SDE2: variants seen among roughly 807,000 people sequenced by gnomAD.
SDE2 encodes the protein splicing regulator SDE2.
In SDE2, 31 loss-of-function variants were observed where a neutral mutation model predicts 46.9. The observed-to-expected ratio is 0.66, with a 90% confidence interval of 0.50 to 0.89. The LOEUF (loss-of-function observed/expected upper bound fraction) is 0.89, where lower values mean the gene tolerates loss of function less well. Ranked by LOEUF, SDE2 falls within the 40% of genes least tolerant of loss-of-function variation. The pLI is 0.00. For missense variants in SDE2, 542 were observed against 564.4 expected, an observed-to-expected ratio of 0.96 and a Z score of 0.40; for synonymous variants, 205 against 204.3, an observed-to-expected ratio of 1.00 and a Z score of -0.03.
Position 225,988,143 on chromosome 1 carries a change from T to C in SDE2, c.887A>G (p.Asp296Gly). The C allele has an allele frequency of 2.5e-6, 4 of 1,614,160 alleles. No homozygotes were observed. The highest frequency in any genetic ancestry group is 3.4e-6 in the Non-Finnish European group (4 of 1,180,032). ...GGACTCCCCCAGCTCAGCACATGAG[T>C]CTTCTAAAATATGCCTCCCAGAGTC... The part of the protein sequence containing the change: ...VTDSGRHILE[D>G]SCAELGESKE... The change falls in exon 6 of 7, where the codon GAC (aspartate) becomes GGC (glycine). Residue 296 changes from aspartate to glycine, a missense_variant. Asp to Gly is a moderately conservative substitution (Grantham distance 94). Transcript: ENST00000272091.
chr1:225,983,230 TAAG>T lies in SDE2; in HGVS notation c.*2069_*2071del, dbSNP rs1008397830. 6.6e-6 allele frequency: 1 copy of T among 152,172 alleles called. No individual in the cohort carries two copies. The highest frequency in any genetic ancestry group is 2.4e-5 in the African/African-American group (1 of 41,430). The allele number at this position is 152,172 out of a possible 1,614,324, so 9.4% of individuals were successfully genotyped here. ...AGGTATACTGTGCAAACACTAAGCT[TAAG>T]AAGGCTGCAGTGGCTATATTCACAT... On this transcript the variant is annotated 3_prime_UTR_variant, in exon 7 of 7. Transcript: ENST00000272091.
At chr1:225,985,669 T>G (rs767287386) in intron 6 of SDE2, 146 bp from the exon 7 acceptor site, 5 of 620,858 alleles carry the variant, frequency 8.1e-6, no homozygotes, top group African/African-American at 1.8e-5. Flanking sequence ...ATCCACATGT[T>G]ATTCCATAAG....
intron 6 of SDE2, among the ~76,000 whole-genome samples, chr1:225,986,298 G>C (rs1260382722): frequency 1.3e-5 from 2 of 150,384 alleles, no homozygotes; most frequent in African/African-American, 4.9e-5. Flanking sequence ...TCACACCACT[G>C]CACTCCAGCC....
In SDE2 at chr1:225,995,286, C is replaced by G. The variant is rs1256448701; in HGVS notation, c.218G>C (p.Arg73Thr). Reference sequence around the variant, plus strand: ...CCTACCTCCTTTTCCACCGCAAAGTCTGGGTTCCAAACTATAAACAGCTCC... The same window carrying G: ...CCTACCTCCTTTTCCACCGCAAAGTGTGGGTTCCAAACTATAAACAGCTCC... ...QHGAVYSLEPRLCGGKGGFGS... is the reference protein window; with the variant it reads ...QHGAVYSLEPTLCGGKGGFGS... The change falls in exon 2 of 7, where the codon AGA (arginine) becomes ACA (threonine). Residue 73 changes from arginine to threonine, a missense_variant. Physicochemically the swap from Arg to Thr is moderately conservative, Grantham distance 71. Around this residue, in one of 3 missense-constraint regions of SDE2, gnomAD observed 135 missense variants for 106.5 expected, o/e 1.27. Coordinates refer to ENST00000272091, the MANE Select transcript of SDE2 (RefSeq NM_152608.4). The G allele has an allele frequency of 6.2e-7, 1 of 1,601,374 alleles. No homozygotes were observed. Among genetic ancestry groups the G allele is most frequent in the Non-Finnish European group, 8.6e-7 (1 of 1,168,926 alleles).
intron 5 of SDE2, among the ~76,000 whole-genome samples, chr1:225,990,313 C>T (rs1313369183): frequency 3.3e-5 from 5 of 152,134 alleles, no homozygotes; most frequent in African/African-American, 9.7e-5. Context: ...GGCTATATGA[C>T]ATCCTAGAAA....
chr1:225,988,653 T>A (rs1656324901), intron 5 of SDE2, among the ~76,000 whole-genome samples: 2 of 151,678 alleles, frequency 1.3e-5, no homozygotes. Flanking sequence ...CACCTGAACC[T>A]GGGGGGCAGA....
intron 1 of SDE2, among the ~76,000 whole-genome samples, chr1:225,997,357 T>C (rs1458442967): frequency 2.6e-5 from 4 of 152,148 alleles, no homozygotes; most frequent in Admixed American, 6.6e-5. Flanking sequence ...CAACTAATAT[T>C]CTTTTGTGTT....
chr1:225,992,289 T>C lies in SDE2; in HGVS notation c.520+109A>G, dbSNP rs117031416. On this transcript the variant is annotated intron_variant, in intron 4 of 6. Transcript: ENST00000272091. ...GGTTTTCATCAGATTCTCAGACATC[T>C]GTAACCTAAAAAAAGCTTAAGAACT... The C allele has an allele frequency of 7.9e-3, 5,386 of 679,700 alleles. 253 individuals carry two copies. In the East Asian group the frequency reaches 0.11, roughly 13 times the overall value. 42.1% of individuals were successfully genotyped at this position (679,700 alleles called of 1,614,324 possible). A position where few individuals can be genotyped will look rare whatever the true frequency, so the allele number is the denominator to read the frequency against.
intron 1 of SDE2, among the ~76,000 whole-genome samples, chr1:225,998,026 C>G (rs371147796): frequency 1.0e-3 from 158 of 151,960 alleles, no homozygotes; most frequent in African/African-American, 3.7e-3. Context: ...ATTTGGGAGG[C>G]TGAGGCAGGA....
intron 4 of SDE2, 99 bp from the exon 5 acceptor site, chr1:225,991,462 CCAGA>C: frequency 1.2e-6 from 1 of 864,958 alleles, no homozygotes; most frequent in Non-Finnish European, 1.8e-6. Flanking sequence ...ATCTACAGCT[CCAGA>C]TTTAAATTTC....
At position 225,992,899 on chromosome 1, in the gene SDE2, AT is replaced by A; in HGVS notation, c.341del (p.His114LeufsTer9). 1.9e-6 allele frequency: 3 copies of A among 1,602,932 alleles called. No individual in the cohort carries two copies. The highest frequency in any genetic ancestry group is 2.6e-6 in the Non-Finnish European group (3 of 1,170,218). On this transcript the variant is annotated frameshift_variant, in exon 3 of 7. Coordinates refer to ENST00000272091, the MANE Select transcript of SDE2 (RefSeq NM_152608.4). LOFTEE classifies it high-confidence loss of function. Reference sequence around the variant, plus strand: ...AAAGGTGGGCATCTTACGCTTTTTCATGATTGACATCGCGTAGTCTCCTTCC... The same window carrying A: ...AAAGGTGGGCATCTTACGCTTTTTCAGATTGACATCGCGTAGTCTCCTTCC... ...LSGRRLRDVNHEKAMAEWVKQ... is the reference protein window; with the variant it reads ...LSGRRLRDVNXEKAMAEWVKQ...
chr1:225,988,299 A>G lies in SDE2; in HGVS notation c.731T>C (p.Met244Thr). 1 of 1,614,156 alleles carries G rather than the reference A, an allele frequency of 6.2e-7. No individual in the cohort carries two copies. The highest frequency in any genetic ancestry group is 8.5e-7 in the Non-Finnish European group (1 of 1,180,012). Residue 244 changes from methionine to threonine, a missense_variant, in exon 6 of 7, where the codon ATG becomes ACG. This residue lies in a region of SDE2 where 401 missense variants were observed against 437.8 expected (regional missense o/e 0.92). Coordinates refer to ENST00000272091, the MANE Select transcript of SDE2 (RefSeq NM_152608.4). ...ACCAATTTTTGGAGCATGGAAACCCATTCCTGAAGTGCTTGGTGCTTCTTC... is the reference window on the plus strand; with the variant it reads ...ACCAATTTTTGGAGCATGGAAACCCGTTCCTGAAGTGCTTGGTGCTTCTTC... The part of the protein sequence containing the change: ...DSEEAPSTSG[M>T]GFHAPKIGSN...
chr1:225,991,431 T>C, intron 4 of SDE2, 68 bp from the exon 5 acceptor site: 2 of 1,330,282 alleles, frequency 1.5e-6, no homozygotes, highest in African/African-American at 1.5e-5. Flanking sequence ...ATAAATAACA[T>C]GGATTGCAAA....
At chr1:225,996,318 T>C (rs1656523350) in intron 1 of SDE2, among the ~76,000 whole-genome samples, 1 of 152,230 alleles carries the variant, frequency 6.6e-6, no homozygotes. Flanking sequence ...ATCTGTTTAA[T>C]GTTTACACAT....
intron 2 of SDE2, among the ~76,000 whole-genome samples, chr1:225,994,629 C>T (rs1253046137): frequency 6.6e-6 from 1 of 152,194 alleles, no homozygotes; most frequent in African/African-American, 2.4e-5. Flanking sequence ...TAACTTTAGA[C>T]TTCCTTTGGA....
At chr1:225,987,495 T>C (rs1478817616) in intron 6 of SDE2, among the ~76,000 whole-genome samples, 2 of 152,278 alleles carry the variant, frequency 1.3e-5, no homozygotes, top group African/African-American at 2.4e-5. Flanking sequence ...AAAAGCTGAG[T>C]AGCAATTTAG....
chr1:225,999,173 A>G lies in SDE2; in HGVS notation c.120+20T>C, dbSNP rs2102707915. The stretch of plus-strand genomic sequence containing the variant: ...CCTGTCTGCCTCTTTCTCCTTCCTA[A>G]CAGGAACCGAAATCCTCACCTGATC... On this transcript the variant is annotated intron_variant, in intron 1 of 6. Transcript: ENST00000272091. The G allele has an allele frequency of 6.2e-7, 1 of 1,604,394 alleles. No individual in the cohort carries two copies. Among genetic ancestry groups the G allele is most frequent in the East Asian group, 2.2e-5 (1 of 44,586 alleles).
At chr1:225,993,381 G>A (rs1255308247) in intron 2 of SDE2, among the ~76,000 whole-genome samples, 2 of 152,174 alleles carry the variant, frequency 1.3e-5, no homozygotes, top group Non-Finnish European at 2.9e-5. Context: ...GGAGGCTGAG[G>A]CGGGCAGATC....
chr1:225,985,631 C>T (rs910048511), intron 6 of SDE2, 108 bp from the exon 7 acceptor site: 5 of 690,214 alleles, frequency 7.2e-6, no homozygotes, highest in Non-Finnish European at 1.2e-5. Flanking sequence ...ATTTGCCATA[C>T]CTTGCAACTG....
Sources: allele counts gnomAD v4.1 joint callset (sites outside exome capture counted in the v4.1 genomes callset), GRCh38; gene constraint gnomAD v4.1.1; regional missense constraint gnomAD v4.1.1; transcripts MANE v1.5; gene names NCBI Gene and HGNC (gene_info 2026-07-23, HGNC 2026-07-21).